The following KIDINS220 variants were observed in gnomAD, a reference collection of about 807,000 sequenced individuals.
KIDINS220 encodes kinase D interacting substrate 220, also known as kinase D-interacting substrate of 220 kDa.
In KIDINS220, 63 loss-of-function variants were observed where a neutral mutation model predicts 157.6. That is an observed-to-expected ratio of 0.40 (90% CI 0.33 to 0.49). The LOEUF (loss-of-function observed/expected upper bound fraction) is 0.49. Among genes scored for constraint, KIDINS220 ranks in the 20% least tolerant of loss-of-function variants. The pLI is 0.66. For missense variants in KIDINS220, 1,772 were observed against 2,171.2 expected, an observed-to-expected ratio of 0.82 and a Z score of 3.65; for synonymous variants, 732 against 783.6, an observed-to-expected ratio of 0.93 and a Z score of 1.10.
chr2:8,749,909 C>G (rs1326550391), intron 24 of KIDINS220, among the ~76,000 whole-genome samples: 1 of 152,092 alleles, frequency 6.6e-6, no homozygotes, highest in African/African-American at 2.4e-5. Context: ...ATCTAATATT[C>G]AGACTCTCTT....
At chr2:8,721,506 A>G (rs1304376937), downstream of KIDINS220, 4 of 152,240 alleles carry the variant, frequency 2.6e-5, no homozygotes, top group African/African-American at 9.6e-5. Flanking sequence ...TCACATGGCT[A>G]TAGATTTTTA....
chr2:8,735,114 C>T (rs1055416173), intron 27 of KIDINS220, among the ~76,000 whole-genome samples: 2 of 152,166 alleles, frequency 1.3e-5, no homozygotes, highest in African/African-American at 4.8e-5. Flanking sequence ...GGGACAAAGA[C>T]ATCTGTTCTC....
intron 7 of KIDINS220, 110 bp from the exon 8 acceptor site, chr2:8,803,237 G>T: frequency 1.1e-6 from 1 of 943,766 alleles, no homozygotes; most frequent in Non-Finnish European, 1.5e-6. Context: ...TTTCAAATAG[G>T]TGGCCTATTA....
intron 1 of KIDINS220, among the ~76,000 whole-genome samples, chr2:8,835,517 G>C (rs1245066149): frequency 6.6e-6 from 1 of 152,240 alleles, no homozygotes; most frequent in African/African-American, 2.4e-5. Context: ...TCAGCAAAGA[G>C]AGAATACAAC....
In KIDINS220 at chr2:8,754,719, T is replaced by C. The variant is rs572148280; in HGVS notation, c.3012-3075A>G. ...TGGCAGAAATTGCATAAACTATTCATATCACTTCCATTCAAAATGAGGTTT... is the reference window on the plus strand; with the variant it reads ...TGGCAGAAATTGCATAAACTATTCACATCACTTCCATTCAAAATGAGGTTT... On this transcript the variant is annotated intron_variant, in intron 22 of 29. Transcript: ENST00000256707. Among the ~76,000 whole-genome samples the C allele has an allele frequency of 2.0e-4, 30 of 152,346 alleles. No individual in the cohort carries two copies. In the South Asian group the frequency reaches 6.2e-3, roughly 32 times the overall value.
intron 4 of KIDINS220, among the ~76,000 whole-genome samples, chr2:8,815,938 G>T (rs1349496596): frequency 6.6e-6 from 1 of 152,040 alleles, no homozygotes; most frequent in Admixed American, 6.5e-5. Context: ...CTCTCCTTAA[G>T]CAAGTCCCAG....
intron 29 of KIDINS220, 81 bp from the exon 30 acceptor site, chr2:8,732,063 G>A: frequency 4.9e-6 from 6 of 1,217,324 alleles, no homozygotes; most frequent in Admixed American, 2.6e-5. Context: ...AAATATATAT[G>A]TACACTAACC....
intron 22 of KIDINS220, among the ~76,000 whole-genome samples, chr2:8,769,635 T>C (rs558217188): frequency 6.6e-6 from 1 of 152,342 alleles, no homozygotes; most frequent in South Asian, 2.1e-4. Context: ...ACTTAAGTTT[T>C]AACCGCTTAG....
At chr2:8,820,799 A>C (rs934067623) in intron 2 of KIDINS220, among the ~76,000 whole-genome samples, 2 of 152,222 alleles carry the variant, frequency 1.3e-5, no homozygotes, top group African/African-American at 4.8e-5. Flanking sequence ...AGTTATGTTT[A>C]GAATTCTGAG....
chr2:8,823,420 A>G (rs914922482), intron 2 of KIDINS220, among the ~76,000 whole-genome samples: 1 of 146,212 alleles, frequency 6.8e-6, no homozygotes, highest in African/African-American at 2.6e-5. Flanking sequence ...CAGAAGTTGT[A>G]AAAGCAAAAT....
chr2:8,806,682 C>T (rs1448702808), intron 6 of KIDINS220, among the ~76,000 whole-genome samples: 1 of 152,166 alleles, frequency 6.6e-6, no homozygotes, highest in Non-Finnish European at 1.5e-5. Flanking sequence ...CCGGCTCAAG[C>T]AATTCTCCTG....
intron 22 of KIDINS220, among the ~76,000 whole-genome samples, chr2:8,764,137 C>G (rs1017594615): frequency 6.6e-6 from 1 of 152,092 alleles, no homozygotes; most frequent in Non-Finnish European, 1.5e-5. Flanking sequence ...TGAAGTAAAA[C>G]AAGAGTGGAA....
downstream of KIDINS220, among the ~76,000 whole-genome samples, chr2:8,727,985 G>C (rs1324133237): frequency 6.6e-6 from 1 of 152,180 alleles, no homozygotes; most frequent in Non-Finnish European, 1.5e-5. Context: ...AATGAATCTG[G>C]CTTAACATTT....
intron 26 of KIDINS220, among the ~76,000 whole-genome samples, chr2:8,746,139 G>A (rs1416965690): frequency 7.1e-6 from 1 of 140,870 alleles, no homozygotes; most frequent in African/African-American, 2.7e-5. Context: ...TCTCGCTCTT[G>A]TTGCCGAGGC....
In KIDINS220 at chr2:8,734,781, T is replaced by A. The variant is rs143217814; in HGVS notation, c.3718-28A>T. 979 of 1,467,924 alleles carry A rather than the reference T, an allele frequency of 6.7e-4. 7 individuals carry two copies. The African/African-American group carries it at 0.012, about 19-fold the overall frequency. 90.9% of individuals were successfully genotyped at this position (1,467,924 alleles called of 1,614,324 possible). A position where few individuals can be genotyped will look rare whatever the true frequency, so the allele number is the denominator to read the frequency against. On this transcript the variant is annotated intron_variant, in intron 27 of 29. Transcript: ENST00000256707. ...GAGTAAAAATTAAAACAATTATGGG[T>A]ATAAAGACAGAATGTGAAATATTCT... is the stretch of plus-strand genomic sequence containing the variant.
At chr2:8,780,554 G>T (rs1045723661) in intron 17 of KIDINS220, among the ~76,000 whole-genome samples, 15 of 151,756 alleles carry the variant, frequency 9.9e-5, no homozygotes, top group African/African-American at 3.1e-4. Flanking sequence ...TGGGGGGTGT[G>T]TGTGTGTGTG....
intron 27 of KIDINS220, among the ~76,000 whole-genome samples, chr2:8,735,854 G>A (rs764082261): frequency 6.6e-6 from 1 of 152,202 alleles, no homozygotes; most frequent in Non-Finnish European, 1.5e-5. Flanking sequence ...GAAAGCCGGG[G>A]TCTAGGAGCA....
intron 7 of KIDINS220, among the ~76,000 whole-genome samples, chr2:8,805,770 T>C (rs570022610): frequency 6.6e-6 from 1 of 152,338 alleles, no homozygotes; most frequent in South Asian, 2.1e-4. Context: ...TGTTTAGGTA[T>C]GTTTAGATAA....
intron 22 of KIDINS220, chr2:8,757,798 A>G (rs757288962): frequency 1.3e-6 from 2 of 1,593,300 alleles, no homozygotes; most frequent in South Asian, 1.1e-5. Flanking sequence ...CTGTGTTTGA[A>G]TAATAACATC....
Sources: gnomAD v4.1 joint callset for allele counts (sites outside exome capture counted in the v4.1 genomes callset) on GRCh38, gnomAD v4.1.1 for gene constraint, MANE v1.5 for transcripts, NCBI Gene and HGNC (gene_info 2026-07-23, HGNC 2026-07-21) for gene names.